Variants in ASIC2 observed in about 807,000 individuals in gnomAD.
ASIC2 encodes acid sensing ion channel subunit 2, also known as acid-sensing ion channel 2.
ASIC2 carries 25 observed loss-of-function variants against 57.3 expected under a neutral mutation model. The observed-to-expected ratio is 0.44, with a 90% CI of 0.32 to 0.61. ASIC2 has a LOEUF of 0.61. ASIC2 is among the 20% of genes least tolerant of loss of function. The pLI is 0.06. For synonymous variants in ASIC2, 319 were observed against 307.5 expected, an observed-to-expected ratio of 1.04 and a Z score of -0.39; for missense variants, 641 against 738.1, an observed-to-expected ratio of 0.87 and a Z score of 1.52.
intron 1 of ASIC2, among the ~76,000 whole-genome samples, chr17:33,558,389 G>T (rs1915972144): frequency 1.3e-5 from 2 of 152,208 alleles, no homozygotes; most frequent in African/African-American, 4.8e-5. Context: ...CCAGCAAATT[G>T]TTCAGTTTCT....
chr17:33,584,269 A>G (rs1264275608), intron 1 of ASIC2, among the ~76,000 whole-genome samples: 1 of 151,976 alleles, frequency 6.6e-6, no homozygotes, highest in Non-Finnish European at 1.5e-5. Flanking sequence ...AGAGGGTGAC[A>G]TGTGTTGTCA....
intron 1 of ASIC2, among the ~76,000 whole-genome samples, chr17:33,598,093 A>G (rs560755728): frequency 2.6e-5 from 4 of 152,166 alleles, no homozygotes; most frequent in South Asian, 2.1e-4. Context: ...GTGCCACTCC[A>G]CCCAGAGAGC....
chr17:33,747,083 G>A (rs141141590), intron 1 of ASIC2, among the ~76,000 whole-genome samples: 26 of 152,198 alleles, frequency 1.7e-4, no homozygotes, highest in African/African-American at 6.3e-4. Flanking sequence ...CTGTCTTATA[G>A]GGTCCTTCTG....
chr17:33,639,230 A>T (rs1204374913), intron 1 of ASIC2, among the ~76,000 whole-genome samples: 1 of 152,008 alleles, frequency 6.6e-6, no homozygotes, highest in Non-Finnish European at 1.5e-5. Flanking sequence ...ATGTGTGTGG[A>T]AGCACTTGGT....
chr17:33,320,012 AG>A (rs1339921774), intron 1 of ASIC2, among the ~76,000 whole-genome samples: 1 of 152,184 alleles, frequency 6.6e-6, no homozygotes, highest in Admixed American at 6.5e-5. Context: ...CTCCAGAGGA[AG>A]TAATTCATGT....
At position 33,901,813 on chromosome 17, in the gene ASIC2, G is replaced by A. The variant is rs73987298; in HGVS notation, c.555+254165C>T. ...AAAATTGTCTTGGAAGCTTTGTTCTGATCAGTGCCACTGCAATTCCAATCA... is the reference window on the plus strand; with the variant it reads ...AAAATTGTCTTGGAAGCTTTGTTCTAATCAGTGCCACTGCAATTCCAATCA... On this transcript the variant is annotated intron_variant, in intron 1 of 9. Transcript: ENST00000359872. Among the ~76,000 whole-genome samples, 364 of 152,242 alleles carry A rather than the reference G, an allele frequency of 2.4e-3. 3 individuals are homozygous for A. The highest frequency in any genetic ancestry group is 8.4e-3 in the African/African-American group (347 of 41,536).
chr17:33,835,973 T>A (rs571526438), intron 1 of ASIC2, among the ~76,000 whole-genome samples: 21 of 151,206 alleles, frequency 1.4e-4, no homozygotes, highest in Non-Finnish European at 2.4e-4. Context: ...ATATATTATA[T>A]AATTATTAAC....
chr17:33,488,099 G>T (rs117644495), intron 1 of ASIC2, among the ~76,000 whole-genome samples: 5,615 of 152,288 alleles, frequency 0.037, 151 homozygotes, highest in Non-Finnish European at 0.054. Context: ...TGTGGACAAT[G>T]ATTGAGAAAA....
At chr17:33,575,311 C>T (rs998408706) in intron 1 of ASIC2, among the ~76,000 whole-genome samples, 3 of 152,210 alleles carry the variant, frequency 2.0e-5, no homozygotes, top group Non-Finnish European at 2.9e-5. Context: ...AAGTACTTAA[C>T]ACATAGCACA....
chr17:33,061,821 T>C (rs925567802), intron 3 of ASIC2, among the ~76,000 whole-genome samples: 3 of 152,220 alleles, frequency 2.0e-5, no homozygotes, highest in African/African-American at 7.2e-5. Flanking sequence ...AGCTATTAAT[T>C]ATTGCCTCAA....
chr17:33,459,993 T>TA (rs141790481), intron 1 of ASIC2, among the ~76,000 whole-genome samples: 3,685 of 149,462 alleles, frequency 0.025, 155 homozygotes, highest in African/African-American at 0.085. Flanking sequence ...GTGAAATGGT[T>TA]AAAAAAAAAA....
At chr17:33,182,272 C>T (rs909439189) in intron 1 of ASIC2, among the ~76,000 whole-genome samples, 2 of 152,072 alleles carry the variant, frequency 1.3e-5, no homozygotes, top group Non-Finnish European at 2.9e-5. Flanking sequence ...AAACAAGAAT[C>T]AGGGACGATG....
intron 1 of ASIC2, among the ~76,000 whole-genome samples, chr17:33,169,657 C>A (rs1408874934): frequency 6.6e-6 from 1 of 152,194 alleles, no homozygotes; most frequent in East Asian, 1.9e-4. Context: ...CATTGAAGAT[C>A]CCTAGCGTCT....
At chr17:33,752,709 T>C (rs573738607) in intron 1 of ASIC2, among the ~76,000 whole-genome samples, 35 of 152,284 alleles carry the variant, frequency 2.3e-4, no homozygotes, top group African/African-American at 8.4e-4. Context: ...ATGCTCCACA[T>C]CAATGTCATT....
intron 1 of ASIC2, among the ~76,000 whole-genome samples, chr17:33,911,618 T>C (rs1597926614): frequency 1.3e-5 from 2 of 152,310 alleles, no homozygotes; most frequent in Middle Eastern, 3.4e-3. Context: ...GGAGACTGTG[T>C]ACCCAGCTAA....
At chr17:33,813,645 C>T (rs1255357527) in intron 1 of ASIC2, among the ~76,000 whole-genome samples, 1 of 152,156 alleles carries the variant, frequency 6.6e-6, no homozygotes, top group Admixed American at 6.5e-5. Context: ...ACCGTGTTAG[C>T]CAGGATGGTC....
chr17:33,795,601 A>G (rs992083957), intron 1 of ASIC2, among the ~76,000 whole-genome samples: 2 of 152,132 alleles, frequency 1.3e-5, no homozygotes, highest in Non-Finnish European at 2.9e-5. Flanking sequence ...GCCCATATCC[A>G]CTCAGAGTGG....
intron 1 of ASIC2, among the ~76,000 whole-genome samples, chr17:33,605,761 T>G (rs1478644600): frequency 9.9e-5 from 15 of 152,162 alleles, no homozygotes; most frequent in Non-Finnish European, 2.1e-4. Flanking sequence ...GCTGCAAACC[T>G]TAGACACAGC....
intron 1 of ASIC2, among the ~76,000 whole-genome samples, chr17:33,894,938 G>C (rs2141949930): frequency 6.6e-6 from 1 of 152,206 alleles, no homozygotes; most frequent in South Asian, 2.1e-4. Context: ...CATGCATCCT[G>C]AATGCATGAA....
Sources: gnomAD v4.1 joint callset for allele counts (sites outside exome capture counted in the v4.1 genomes callset) on GRCh38, gnomAD v4.1.1 for gene constraint, MANE v1.5 for transcripts, NCBI Gene and HGNC (gene_info 2026-07-23, HGNC 2026-07-21) for gene names.